The following ST8SIA2 variants were observed in gnomAD, a reference collection of about 807,000 sequenced individuals.
ST8SIA2 encodes alpha-2,8-sialyltransferase 8B.
In ST8SIA2, 22 loss-of-function variants were observed where a neutral mutation model predicts 37.6. The observed-to-expected ratio is 0.58, with a 90% CI of 0.42 to 0.83. The LOEUF (loss-of-function observed/expected upper bound fraction) is 0.83. Among genes scored for constraint, ST8SIA2 ranks in the 40% least tolerant of loss-of-function variants. The pLI, the probability that ST8SIA2 is intolerant of heterozygous loss-of-function variation, is 0.00. For synonymous variants in ST8SIA2, 205 were observed against 201.2 expected (o/e 1.02, Z -0.16); for missense variants, 382 against 484.7 (o/e 0.79, Z 1.99).
intron 4 of ST8SIA2, among the ~76,000 whole-genome samples, chr15:92,441,585 A>G (rs2049802507): frequency 1.8e-5 from 1 of 55,222 alleles, no homozygotes; most frequent in South Asian, 4.4e-4. Flanking sequence ...ATGCACACAC[A>G]CACACACACA....
At chr15:92,443,137 T>C (rs547062319) in intron 4 of ST8SIA2, among the ~76,000 whole-genome samples, 1 of 152,360 alleles carries the variant, frequency 6.6e-6, no homozygotes, top group South Asian at 2.1e-4. Context: ...GGATAAATGG[T>C]ACGTTCCTGG....
intron 1 of ST8SIA2, among the ~76,000 whole-genome samples, chr15:92,428,735 G>C (rs748495670): frequency 1.3e-5 from 2 of 152,156 alleles, no homozygotes; most frequent in Non-Finnish European, 2.9e-5. Flanking sequence ...AAGACCCAAC[G>C]TTACTCTTTG....
chr15:92,430,203 TA>T, intron 2 of ST8SIA2, 92 bp downstream of exon 2: 1 of 1,246,460 alleles, frequency 8.0e-7, no homozygotes, highest in South Asian at 1.3e-5. Flanking sequence ...CCTTCTTACT[TA>T]GCAAATAGAT....
Position 92,465,299 on chromosome 15 carries a change from A to T in ST8SIA2, c.*914A>T, listed in dbSNP as rs1468355996. 6.6e-6 allele frequency: 1 copy of T among 152,182 alleles called. No homozygotes were observed. Among genetic ancestry groups the T allele is most frequent in the Non-Finnish European group, 1.5e-5 (1 of 68,040 alleles). The allele number at this position is 152,182 out of a possible 1,614,324, so 9.4% of individuals were successfully genotyped here. ...ACCCTGGGATTTCACCCTCTGGGTT[A>T]GTCTCTGTCTCACCCTGTTAGAATG... On this transcript the variant is annotated 3_prime_UTR_variant, in exon 6 of 6. Transcript: ENST00000268164.
chr15:92,429,401 C>G (rs555879845), intron 1 of ST8SIA2, among the ~76,000 whole-genome samples: 174 of 151,938 alleles, frequency 1.1e-3, no homozygotes, highest in Non-Finnish European at 9.1e-4. Context: ...CTGGAAAGGG[C>G]CTTAGAGTGC....
chr15:92,450,435 G>A (rs1180262816), intron 5 of ST8SIA2, among the ~76,000 whole-genome samples: 1 of 152,190 alleles, frequency 6.6e-6, no homozygotes, highest in African/African-American at 2.4e-5. Context: ...CCTGAGATTG[G>A]GTAATTTATA....
At chr15:92,405,471 T>C (rs2049501676) in intron 1 of ST8SIA2, among the ~76,000 whole-genome samples, 1 of 152,354 alleles carries the variant, frequency 6.6e-6, no homozygotes, top group South Asian at 2.1e-4. Flanking sequence ...GCTAAGATGG[T>C]AAATTGCATG....
intron 5 of ST8SIA2, among the ~76,000 whole-genome samples, chr15:92,462,575 A>T (rs1377460920): frequency 6.6e-6 from 1 of 152,176 alleles, no homozygotes; most frequent in South Asian, 2.1e-4. Flanking sequence ...TTTCTCTGAC[A>T]TGTCTTTACT....
At chr15:92,408,726 G>A (rs1393208634) in intron 1 of ST8SIA2, among the ~76,000 whole-genome samples, 1 of 124,704 alleles carries the variant, frequency 8.0e-6, no homozygotes, top group Admixed American at 8.1e-5. Flanking sequence ...TATTTATTGA[G>A]ATGGAGTCTC....
intron 3 of ST8SIA2, among the ~76,000 whole-genome samples, chr15:92,436,809 G>C (rs188127726): frequency 6.6e-6 from 1 of 152,184 alleles, no homozygotes; most frequent in African/African-American, 2.4e-5. Context: ...AAAGACAATG[G>C]ATGAGACGCG....
intron 1 of ST8SIA2, among the ~76,000 whole-genome samples, chr15:92,411,777 G>A (rs2049551295): frequency 6.6e-6 from 1 of 152,214 alleles, no homozygotes. Context: ...AGAGAAGTTA[G>A]GCTGGAGGTT....
intron 5 of ST8SIA2, among the ~76,000 whole-genome samples, chr15:92,455,888 T>C (rs1406654474): frequency 6.6e-6 from 1 of 152,258 alleles, no homozygotes; most frequent in Non-Finnish European, 1.5e-5. Flanking sequence ...TTATGGAAAA[T>C]ACCTGTTTTC....
chr15:92,435,883 G>A lies in ST8SIA2; in HGVS notation c.290+1508G>A, dbSNP rs560038727. Among the ~76,000 whole-genome samples, 78 of 152,144 alleles carry A rather than the reference G, an allele frequency of 5.1e-4. No individual in the cohort carries two copies. The South Asian group carries it at 0.015, about 29-fold the overall frequency. On this transcript the variant is annotated intron_variant, in intron 3 of 5. Coordinates refer to ENST00000268164, the MANE Select transcript of ST8SIA2 (RefSeq NM_006011.4). The stretch of plus-strand genomic sequence containing the variant: ...TGTAACAAATTACCAACAACGCGGC[G>A]GCGGCCTAAAACAACAGAAATGTAT...
chr15:92,460,415 G>T (rs1186450988), intron 5 of ST8SIA2, among the ~76,000 whole-genome samples: 1 of 152,212 alleles, frequency 6.6e-6, no homozygotes, highest in Non-Finnish European at 1.5e-5. Context: ...TTAGGAGGGG[G>T]TGAGCTCCCT....
At chr15:92,423,830 A>C (rs1041821125) in intron 1 of ST8SIA2, among the ~76,000 whole-genome samples, 10 of 152,256 alleles carry the variant, frequency 6.6e-5, no homozygotes, top group African/African-American at 2.4e-4. Flanking sequence ...ATTCAAGCAT[A>C]GCAGATGGTA....
At chr15:92,416,816 C>A (rs887079937) in intron 1 of ST8SIA2, among the ~76,000 whole-genome samples, 12 of 152,156 alleles carry the variant, frequency 7.9e-5, no homozygotes, top group African/African-American at 2.9e-4. Context: ...CATGTCCACT[C>A]CCCAGCAGGC....
intron 1 of ST8SIA2, among the ~76,000 whole-genome samples, chr15:92,401,307 C>G (rs887978825): frequency 2.6e-5 from 4 of 152,210 alleles, no homozygotes; most frequent in Non-Finnish European, 1.5e-5. Context: ...TACCATCTCT[C>G]CAGAGCCAAG....
chr15:92,417,163 A>T (rs1175971915), intron 1 of ST8SIA2, among the ~76,000 whole-genome samples: 1 of 152,158 alleles, frequency 6.6e-6, no homozygotes, highest in Non-Finnish European at 1.5e-5. Flanking sequence ...AAACTGAGAG[A>T]GGTCTAGGGC....
intron 1 of ST8SIA2, among the ~76,000 whole-genome samples, chr15:92,398,188 CAAG>C (rs1160871130): frequency 2.0e-5 from 3 of 152,132 alleles, no homozygotes; most frequent in Non-Finnish European, 4.4e-5. Context: ...AGCCTTGGGA[CAAG>C]AAGAGAGCAT....
Sources: allele counts gnomAD v4.1 joint callset (sites outside exome capture counted in the v4.1 genomes callset), GRCh38; gene constraint gnomAD v4.1.1; transcripts MANE v1.5; gene names NCBI Gene and HGNC (gene_info 2026-07-23, HGNC 2026-07-21).